Variants in STAU2 observed in about 807,000 individuals in gnomAD.
STAU2 encodes the protein double-stranded RNA-binding protein Staufen homolog 2.
Under a neutral mutation model 65.9 loss-of-function variants are expected in STAU2, and 20 were observed. That is an observed-to-expected ratio of 0.30 (90% CI 0.21 to 0.44). The LOEUF is 0.44. Ranked by LOEUF, STAU2 falls within the 20% of genes least tolerant of loss-of-function variation. The probability of loss-of-function intolerance (pLI) is 1.00; values close to 1 mark genes in which losing one functional copy is unlikely to be tolerated. For synonymous variants in STAU2, 232 were observed against 233.9 expected (o/e 0.99, Z 0.07); for missense variants, 558 against 683.9 (o/e 0.82, Z 2.05).
intron 13 of STAU2, among the ~76,000 whole-genome samples, chr8:73,484,913 A>G (rs992587993): frequency 6.6e-6 from 1 of 152,110 alleles, no homozygotes; most frequent in African/African-American, 2.4e-5. Context: ...ACTTTAAGGT[A>G]TTTACCTTTT....
intron 6 of STAU2, among the ~76,000 whole-genome samples, chr8:73,662,041 T>C (rs1816868367): frequency 6.6e-6 from 1 of 152,208 alleles, no homozygotes; most frequent in South Asian, 2.1e-4. Flanking sequence ...CCATTTTATA[T>C]CCCCAGCAGC....
intron 5 of STAU2, among the ~76,000 whole-genome samples, chr8:73,675,207 G>GA (rs368586006): frequency 2.2e-4 from 34 of 152,190 alleles, no homozygotes; most frequent in African/African-American, 8.2e-4. Flanking sequence ...TTGGGTCAAC[G>GA]ATGAAATCAA....
At chr8:73,721,116 C>CA (rs1159562570) in intron 3 of STAU2, among the ~76,000 whole-genome samples, 8,282 of 43,604 alleles carry the variant, frequency 0.19, 522 homozygotes, top group African/African-American at 0.28. Context: ...CCCAACACTA[C>CA]AAAAAAAAAA....
At chr8:73,669,004 A>C in intron 6 of STAU2, 1 of 699,036 alleles carries the variant, frequency 1.4e-6, no homozygotes, top group South Asian at 1.5e-5. Context: ...TTCACCTTTC[A>C]TTCCCTGCCT....
intron 13 of STAU2, among the ~76,000 whole-genome samples, chr8:73,514,546 C>A (rs1822600627): frequency 6.6e-6 from 1 of 152,102 alleles, no homozygotes. Flanking sequence ...ATTTTTCTAC[C>A]TTTTCTCATG....
chr8:73,714,257 T>C (rs1282465366), intron 3 of STAU2, among the ~76,000 whole-genome samples: 2 of 152,158 alleles, frequency 1.3e-5, no homozygotes, highest in Non-Finnish European at 2.9e-5. Flanking sequence ...TTCTCTGCTA[T>C]TGGAGGGAAC....
At chr8:73,471,817 T>TAAGAAAAA (rs1554594409) in intron 13 of STAU2, among the ~76,000 whole-genome samples, 2 of 86,808 alleles carry the variant, frequency 2.3e-5, no homozygotes, top group Non-Finnish European at 4.2e-5. Flanking sequence ...AGACTCCAAC[T>TAAGAAAAA]AAAAAAAAAA....
At chr8:73,513,961 T>C (rs946320837) in intron 13 of STAU2, among the ~76,000 whole-genome samples, 6 of 152,218 alleles carry the variant, frequency 3.9e-5, no homozygotes, top group Non-Finnish European at 5.9e-5. Flanking sequence ...TGGAGCACTA[T>C]AGTTTGTCTA....
At chr8:73,650,078 G>GGTGACACTGGAA (rs1474849123) in intron 6 of STAU2, among the ~76,000 whole-genome samples, 1 of 151,392 alleles carries the variant, frequency 6.6e-6, no homozygotes, top group Non-Finnish European at 1.5e-5. Context: ...TTGAGTAACT[G>GGTGACACTGGAA]GTGACACTGG....
rs1369122333 is a variant in STAU2, at chr8:73,746,785, T to G, written c.-199A>C. ...ACGCCCCCGATGAGGGTATTTACCTTCTTGCCGGGGACACTTTGCAGACGG... is the reference window on the plus strand; with the variant it reads ...ACGCCCCCGATGAGGGTATTTACCTGCTTGCCGGGGACACTTTGCAGACGG... On this transcript the variant is annotated splice_region_variant and 5_prime_UTR_variant, in exon 1 of 15. Coordinates refer to ENST00000524300, the MANE Select transcript of STAU2 (RefSeq NM_001164380.2). The G allele has an allele frequency of 2.4e-6, 3 of 1,231,110 alleles. No individual in the cohort carries two copies. Among genetic ancestry groups the G allele is most frequent in the Admixed American group, 8.5e-5 (2 of 23,628 alleles). The allele number at this position is 1,231,110 out of a possible 1,614,324, so 76.3% of individuals were successfully genotyped here.
chr8:73,423,337 C>G (rs1054455321), intron 13 of STAU2, among the ~76,000 whole-genome samples: 2 of 152,214 alleles, frequency 1.3e-5, no homozygotes, highest in Admixed American at 6.5e-5. Context: ...AGGGTGTGAA[C>G]AGGCTGGTGG....
chr8:73,521,106 G>A (rs1563399235), intron 13 of STAU2, among the ~76,000 whole-genome samples: 1 of 152,112 alleles, frequency 6.6e-6, no homozygotes. Flanking sequence ...ATGTGGGAAG[G>A]CTTTCCCTTT....
chr8:73,738,276 A>T lies in STAU2; in HGVS notation c.-18+8T>A. The T allele has an allele frequency of 6.2e-7, 1 of 1,611,578 alleles. No homozygotes were observed. The highest frequency in any genetic ancestry group is 8.5e-7 in the Non-Finnish European group (1 of 1,178,912). On this transcript the variant is annotated splice_region_variant and intron_variant, in intron 3 of 14. Coordinates refer to ENST00000524300, the MANE Select transcript of STAU2 (RefSeq NM_001164380.2). ...GTAAGCATGAAAAATGCCTTAACAC[A>T]AACTCACCTGATTTATTTGAAGCAT...
At chr8:73,582,692 C>G (rs1810076484) in intron 12 of STAU2, 78 bp downstream of exon 12, 6 of 1,408,518 alleles carry the variant, frequency 4.3e-6, no homozygotes, top group Admixed American at 3.4e-5. Flanking sequence ...CCAGACAGAC[C>G]CAACCAATCC....
At chr8:73,596,380 G>C (rs1008542663) in intron 10 of STAU2, among the ~76,000 whole-genome samples, 4 of 152,094 alleles carry the variant, frequency 2.6e-5, no homozygotes, top group Admixed American at 2.0e-4. Context: ...TCTTCTGTGA[G>C]CAATTTATAC....
At chr8:73,711,131 C>CAAA (rs751087630) in intron 3 of STAU2, among the ~76,000 whole-genome samples, 498 of 31,090 alleles carry the variant, frequency 0.016, 99 homozygotes, top group East Asian at 0.048. Flanking sequence ...AAGTGGCTTG[C>CAAA]AAAAAAAAAA....
At chr8:73,536,291 G>A (rs1365229390) in intron 13 of STAU2, among the ~76,000 whole-genome samples, 1 of 152,098 alleles carries the variant, frequency 6.6e-6, no homozygotes, top group African/African-American at 2.4e-5. Flanking sequence ...CATATCCTTG[G>A]CTGGGTACCA....
intron 13 of STAU2, among the ~76,000 whole-genome samples, chr8:73,455,868 A>G (rs1381214737): frequency 6.6e-6 from 1 of 152,188 alleles, no homozygotes; most frequent in African/African-American, 2.4e-5. Flanking sequence ...GCCCCAACAC[A>G]TAACCTAAAA....
intron 13 of STAU2, among the ~76,000 whole-genome samples, chr8:73,543,817 C>T (rs1419820998): frequency 6.6e-6 from 1 of 152,124 alleles, no homozygotes; most frequent in Non-Finnish European, 1.5e-5. Flanking sequence ...AGGCCTTTGT[C>T]CATTCTCCCT....
Sources: gnomAD v4.1 joint callset for allele counts (sites outside exome capture counted in the v4.1 genomes callset) on GRCh38, gnomAD v4.1.1 for gene constraint, MANE v1.5 for transcripts, NCBI Gene and HGNC (gene_info 2026-07-23, HGNC 2026-07-21) for gene names.